MARCHF3: variants seen among roughly 807,000 people sequenced by gnomAD.
MARCHF3 encodes the protein E3 ubiquitin-protein ligase MARCHF3.
MARCHF3 carries 13 observed loss-of-function variants against 24.2 expected under a neutral mutation model. The observed-to-expected ratio is 0.54, with a 90% confidence interval of 0.35 to 0.85. MARCHF3 has a LOEUF of 0.85. Ranked by LOEUF, MARCHF3 falls within the 40% of genes least tolerant of loss-of-function variation. The pLI is 0.01. For missense variants in MARCHF3, 276 were observed against 325.0 expected (o/e 0.85, Z 1.16); for synonymous variants, 144 against 137.3 (o/e 1.05, Z -0.34).
chr5:126,939,139 C>T (rs1216947874), intron 1 of MARCHF3, among the ~76,000 whole-genome samples: 1 of 152,188 alleles, frequency 6.6e-6, no homozygotes, highest in African/African-American at 2.4e-5. Flanking sequence ...CTGCAACAAA[C>T]ATAATCTTAT....
chr5:126,991,729 A>G (rs1751769322), intron 1 of MARCHF3, among the ~76,000 whole-genome samples: 1 of 151,992 alleles, frequency 6.6e-6, no homozygotes, highest in South Asian at 2.1e-4. Flanking sequence ...TCAAAAAAAA[A>G]AAAAGAAACC....
chr5:127,023,309 T>A (rs2126865181), intron 1 of MARCHF3, among the ~76,000 whole-genome samples: 1 of 152,340 alleles, frequency 6.6e-6, no homozygotes, highest in Non-Finnish European at 1.5e-5. Context: ...ACCCTGCCAA[T>A]ACTGTATTTT....
intron 1 of MARCHF3, among the ~76,000 whole-genome samples, chr5:126,967,562 C>T (rs1225626084): frequency 3.3e-5 from 5 of 151,946 alleles, no homozygotes; most frequent in African/African-American, 9.7e-5. Flanking sequence ...GCGTGGTGGC[C>T]GGCACCTGTA....
chr5:126,893,074 C>T (rs371291590), intron 3 of MARCHF3, among the ~76,000 whole-genome samples: 7 of 151,912 alleles, frequency 4.6e-5, no homozygotes, highest in Non-Finnish European at 8.8e-5. Flanking sequence ...AGTTTATTTG[C>T]GTAGAGGTGT....
intron 1 of MARCHF3, among the ~76,000 whole-genome samples, chr5:126,971,078 T>C (rs1395443175): frequency 6.6e-6 from 1 of 152,130 alleles, no homozygotes; most frequent in Non-Finnish European, 1.5e-5. Flanking sequence ...TAAGAAGAAA[T>C]TTTTGCATTT....
At chr5:126,879,951 C>T (rs1753291677) in intron 3 of MARCHF3, among the ~76,000 whole-genome samples, 1 of 152,128 alleles carries the variant, frequency 6.6e-6, no homozygotes, top group South Asian at 2.1e-4. Flanking sequence ...AACAGGAGCA[C>T]TGGCCACTTG....
chr5:127,020,197 T>C (rs1374748859), intron 1 of MARCHF3, among the ~76,000 whole-genome samples: 3 of 152,214 alleles, frequency 2.0e-5, no homozygotes, highest in African/African-American at 7.2e-5. Flanking sequence ...TGGTCTTCTG[T>C]TGCTATAAAG....
intron 3 of MARCHF3, chr5:126,899,143 AG>A (rs1754021956): frequency 1.0e-6 from 1 of 985,186 alleles, no homozygotes; most frequent in Non-Finnish European, 1.2e-6. Flanking sequence ...TATCTCTTCA[AG>A]AAAGGAGGCG....
chr5:126,875,898 A>T (rs1436422712), intron 4 of MARCHF3, among the ~76,000 whole-genome samples: 1 of 152,238 alleles, frequency 6.6e-6, no homozygotes, highest in Non-Finnish European at 1.5e-5. Flanking sequence ...TTTGTACAAG[A>T]GGAAGGATGA....
At chr5:126,974,761 C>A (rs771712953) in intron 1 of MARCHF3, among the ~76,000 whole-genome samples, 3 of 152,152 alleles carry the variant, frequency 2.0e-5, no homozygotes, top group African/African-American at 4.8e-5. Context: ...CTTTCTGTAA[C>A]CTAAACTCTG....
intron 3 of MARCHF3, among the ~76,000 whole-genome samples, chr5:126,912,806 G>C (rs1290510563): frequency 6.6e-6 from 1 of 152,174 alleles, no homozygotes; most frequent in East Asian, 1.9e-4. Flanking sequence ...ATGATCAAAC[G>C]GCCAGCCTCC....
intron 1 of MARCHF3, among the ~76,000 whole-genome samples, chr5:126,932,066 A>G (rs1389863318): frequency 6.6e-6 from 1 of 152,250 alleles, no homozygotes; most frequent in African/African-American, 2.4e-5. Context: ...AGCACACAGC[A>G]AACACCACTG....
At chr5:126,882,835 T>G (rs1753386450) in intron 3 of MARCHF3, among the ~76,000 whole-genome samples, 1 of 152,194 alleles carries the variant, frequency 6.6e-6, no homozygotes, top group African/African-American at 2.4e-5. Context: ...TCAATAATCT[T>G]AGAATCATTA....
In MARCHF3 at chr5:126,869,516, G is replaced by A. The variant is rs1396285910; in HGVS notation, c.*1117C>T. 1.3e-5 allele frequency: 2 copies of A among 150,982 alleles called. No individual in the cohort carries two copies. The highest frequency in any genetic ancestry group is 4.9e-5 in the African/African-American group (2 of 40,862). 9.4% of individuals were successfully genotyped at this position (150,982 alleles called of 1,614,324 possible). A position where few individuals can be genotyped will look rare whatever the true frequency, so the allele number is the denominator to read the frequency against. On this transcript the variant is annotated 3_prime_UTR_variant, in exon 5 of 5. Transcript: ENST00000308660. ...GCTCATGGTTGGGGGAAGGCACTGT[G>A]TGGGGCTCCTTTTTAAAGAATCAGA...
Position 126,956,663 on chromosome 5 carries a change from A to AAC in MARCHF3, c.-56-38437_-56-38436insGT, listed in dbSNP as rs1554068495. The stretch of plus-strand genomic sequence containing the variant: ...CTGTCTCCAAAAAAAAAAAAAAAAA[A>AAC]AAAAAAAACCAAAAAAACAACAACA... On this transcript the variant is annotated intron_variant, in intron 1 of 4. Coordinates refer to ENST00000308660, the MANE Select transcript of MARCHF3 (RefSeq NM_178450.5). 4.8e-4 allele frequency among the ~76,000 whole-genome samples: 70 copies of AAC among 146,910 alleles called. No individual in the cohort carries two copies. The East Asian group carries it at 8.0e-3, about 17-fold the overall frequency.
chr5:126,897,045 A>ATTTTTTTTATTTTTTT (rs1753941907), intron 3 of MARCHF3, among the ~76,000 whole-genome samples: 1 of 116,448 alleles, frequency 8.6e-6, no homozygotes, highest in Admixed American at 9.0e-5. Context: ...AAGTTTGAGA[A>ATTTTTTTTATTTTTTT]TTTTTTTTTT....
intron 1 of MARCHF3, among the ~76,000 whole-genome samples, chr5:127,016,750 C>T (rs1449943366): frequency 1.3e-5 from 2 of 152,110 alleles, no homozygotes; most frequent in African/African-American, 4.8e-5. Flanking sequence ...CCAGTGATCC[C>T]ATTATTGGGT....
At chr5:126,970,074 T>A (rs1750952473) in intron 1 of MARCHF3, among the ~76,000 whole-genome samples, 1 of 151,888 alleles carries the variant, frequency 6.6e-6, no homozygotes, top group Middle Eastern at 3.4e-3. Context: ...TTTTTCTTCT[T>A]CTTTTTTCTT....
In MARCHF3 at chr5:126,915,146, G is replaced by C; in HGVS notation, c.189-12C>G. The C allele has an allele frequency of 6.2e-7, 1 of 1,612,048 alleles. No individual in the cohort carries two copies. On this transcript the variant is annotated splice_polypyrimidine_tract_variant and intron_variant, in intron 2 of 4. Transcript: ENST00000308660. ...GGTCATTGAAGGGGCTGCAAGAGAA[G>C]GAGGGGCACCTGCTGGTCACTGGGC...
Sources: gnomAD v4.1 joint callset for allele counts (sites outside exome capture counted in the v4.1 genomes callset) on GRCh38, gnomAD v4.1.1 for gene constraint, MANE v1.5 for transcripts, NCBI Gene and HGNC (gene_info 2026-07-23, HGNC 2026-07-21) for gene names.